The following EPHB2 variants were observed in gnomAD, a reference collection of about 807,000 sequenced individuals.
EPHB2 encodes ephrin type-B receptor 2.
EPHB2 carries 18 observed loss-of-function variants against 96.4 expected under a neutral mutation model. The ratio of observed to expected loss-of-function variants is 0.19; its 90% confidence interval spans 0.13 to 0.28. The LOEUF (loss-of-function observed/expected upper bound fraction) is 0.28. Among genes scored for constraint, EPHB2 ranks in the 10% least tolerant of loss-of-function variants. The pLI is 1.00. For synonymous variants in EPHB2, 506 were observed against 534.1 expected, an observed-to-expected ratio of 0.95 and a Z score of 0.72; for missense variants, 989 against 1,355.4, an observed-to-expected ratio of 0.73 and a Z score of 4.25.
intron 3 of EPHB2, among the ~76,000 whole-genome samples, chr1:22,816,222 C>T (rs949945193): frequency 6.6e-6 from 1 of 152,122 alleles, no homozygotes; most frequent in African/African-American, 2.4e-5. Context: ...GGAAGCCTGG[C>T]CTTCTGTAAT....
intron 5 of EPHB2, 151 bp from the exon 6 acceptor site, chr1:22,882,208 C>T (rs1005439493): frequency 4.5e-5 from 61 of 1,362,126 alleles, no homozygotes; most frequent in South Asian, 2.8e-4. Context: ...TGCCCCCTGT[C>T]GGCTCCCCGA....
intron 3 of EPHB2, among the ~76,000 whole-genome samples, chr1:22,820,903 T>C (rs1047980492): frequency 6.6e-6 from 1 of 152,384 alleles, no homozygotes; most frequent in Non-Finnish European, 1.5e-5. Context: ...AAACTAAGTA[T>C]GTTTGAATCC....
At chr1:22,900,294 CAAAAAA>C (rs1332363257) in intron 9 of EPHB2, among the ~76,000 whole-genome samples, 1 of 151,554 alleles carries the variant, frequency 6.6e-6, no homozygotes, top group Non-Finnish European at 1.5e-5. Context: ...ACTCCTCAAA[CAAAAAA>C]AAGAAAAAGA....
chr1:22,885,672 T>G (rs1639200385), intron 6 of EPHB2, among the ~76,000 whole-genome samples: 1 of 152,216 alleles, frequency 6.6e-6, no homozygotes, highest in Non-Finnish European at 1.5e-5. Context: ...TACTTGGCTC[T>G]CCTGCCTCCC....
At chr1:22,716,475 G>T (rs140672425) in intron 1 of EPHB2, among the ~76,000 whole-genome samples, 2,412 of 152,246 alleles carry the variant, frequency 0.016, 35 homozygotes, top group Non-Finnish European at 0.021. Context: ...GGGACTACAG[G>T]CATGTGCCAC....
In EPHB2 at chr1:22,915,488, C is replaced by T. The variant is rs1208254560; in HGVS notation, c.*1918C>T. On this transcript the variant is annotated 3_prime_UTR_variant, in exon 16 of 16. Transcript: ENST00000374630. ...ATGGAGAACGACAGCTCCACGTGGC[C>T]TTTCTGGCCCTGGCTTGTCAAAAGC... is the stretch of plus-strand genomic sequence containing the variant. 6.6e-6 allele frequency: 1 copy of T among 152,094 alleles called. No homozygotes were observed. Among genetic ancestry groups the T allele is most frequent in the Non-Finnish European group, 1.5e-5 (1 of 68,016 alleles). 9.4% of individuals were successfully genotyped at this position (152,094 alleles called of 1,614,324 possible). A position where few individuals can be genotyped will look rare whatever the true frequency, so the allele number is the denominator to read the frequency against.
At chr1:22,910,820 G>A (rs1406346271) in intron 14 of EPHB2, among the ~76,000 whole-genome samples, 2 of 152,192 alleles carry the variant, frequency 1.3e-5, no homozygotes, top group African/African-American at 2.4e-5. Flanking sequence ...TTAAAGCATG[G>A]TCAGAGAGGA....
chr1:22,838,644 T>C (rs1269889172), intron 3 of EPHB2, among the ~76,000 whole-genome samples: 1 of 152,172 alleles, frequency 6.6e-6, no homozygotes, highest in African/African-American at 2.4e-5. Flanking sequence ...AAAATGATAC[T>C]AGAGGCCAGG....
intron 1 of EPHB2, among the ~76,000 whole-genome samples, chr1:22,718,639 C>T (rs377572135): frequency 2.0e-4 from 30 of 152,182 alleles, no homozygotes; most frequent in Admixed American, 7.2e-4. Context: ...CCACCTGCCT[C>T]GGCCTCCCAA....
intron 6 of EPHB2, among the ~76,000 whole-genome samples, chr1:22,889,508 G>A (rs536355580): frequency 6.6e-6 from 1 of 152,306 alleles, no homozygotes; most frequent in East Asian, 1.9e-4. Flanking sequence ...AACACTTACT[G>A]TGTGGCAAAC....
rs1301285087 is a variant in EPHB2 at position 22,920,438 on chromosome 1, G to A, written c.*6868G>A. On this transcript the variant is annotated 3_prime_UTR_variant, in exon 16 of 16. Coordinates refer to ENST00000374630, the MANE Select transcript of EPHB2 (RefSeq NM_017449.5). ...GAGTCTTAACACTGGACAACCACAG[G>A]GTGTTGCTGCAAACTCCAGAGCCAG... is the stretch of plus-strand genomic sequence containing the variant. 1 of 152,340 alleles carries A rather than the reference G, an allele frequency of 6.6e-6. No homozygotes were observed. Among genetic ancestry groups the A allele is most frequent in the East Asian group, 1.9e-4 (1 of 5,192 alleles). 9.4% of individuals were successfully genotyped at this position (152,340 alleles called of 1,614,324 possible).
Position 22,716,299 on chromosome 1 carries a change from C to T in EPHB2, c.61+5256C>T, listed in dbSNP as rs190031487. Among the ~76,000 whole-genome samples, 19 of 152,238 alleles carry T rather than the reference C, an allele frequency of 1.2e-4. No individual in the cohort carries two copies. The East Asian group carries it at 2.7e-3, about 22-fold the overall frequency. On this transcript the variant is annotated intron_variant, in intron 1 of 15. Transcript: ENST00000374630. ...GTGGGATTGTCCTAGGCCCTACTTC[C>T]TCAAGGCTCTTCATCAGCGCCAAAG...
At chr1:22,811,785 T>C (rs1645005653) in intron 3 of EPHB2, among the ~76,000 whole-genome samples, 1 of 152,178 alleles carries the variant, frequency 6.6e-6, no homozygotes, top group Admixed American at 6.5e-5. Context: ...ATGCCTGGAA[T>C]CCCAACTCTT....
chr1:22,741,388 G>A (rs1331995706), intron 1 of EPHB2, among the ~76,000 whole-genome samples: 1 of 151,910 alleles, frequency 6.6e-6, no homozygotes, highest in Non-Finnish European at 1.5e-5. Flanking sequence ...ACGACACCTG[G>A]CTGCCTTCCT....
intron 1 of EPHB2, among the ~76,000 whole-genome samples, chr1:22,760,283 C>A (rs920147794): frequency 6.6e-6 from 1 of 152,012 alleles, no homozygotes; most frequent in Non-Finnish European, 1.5e-5. Flanking sequence ...CCAAAAATGA[C>A]CTTGTAGCCA....
intron 3 of EPHB2, among the ~76,000 whole-genome samples, chr1:22,845,213 G>A (rs11800828): frequency 0.52 from 78,748 of 152,024 alleles, 20,432 homozygotes; most frequent in Middle Eastern, 0.6. Context: ...TTACCTCTCT[G>A]TGCCTGTATC....
At chr1:22,831,906 C>T (rs927550132) in intron 3 of EPHB2, among the ~76,000 whole-genome samples, 3 of 152,144 alleles carry the variant, frequency 2.0e-5, no homozygotes, top group African/African-American at 7.2e-5. Context: ...TAGCCAGAGG[C>T]AGCCAGGATT....
At chr1:22,711,423 G>C (rs964658779) in intron 1 of EPHB2, among the ~76,000 whole-genome samples, 7 of 146,452 alleles carry the variant, frequency 4.8e-5, no homozygotes, top group Non-Finnish European at 1.0e-4. Context: ...GGCCGTGGCG[G>C]GGGGCGGGGG....
intron 1 of EPHB2, among the ~76,000 whole-genome samples, chr1:22,713,389 T>C (rs571613511): frequency 7.2e-5 from 11 of 152,236 alleles, no homozygotes; most frequent in African/African-American, 2.2e-4. Context: ...TGGCTAAATA[T>C]CTTGTAGAGT....
Sources: gnomAD v4.1 joint callset for allele counts (sites outside exome capture counted in the v4.1 genomes callset) on GRCh38, gnomAD v4.1.1 for gene constraint, MANE v1.5 for transcripts, NCBI Gene and HGNC (gene_info 2026-07-23, HGNC 2026-07-21) for gene names.